URM1: variants seen among roughly 807,000 people sequenced by gnomAD.
URM1 encodes the protein ubiquitin related modifier 1.
In URM1, 11 loss-of-function variants were observed where a neutral mutation model predicts 17.7. The observed-to-expected ratio is 0.62, with a 90% CI of 0.39 to 1.03. The LOEUF is 1.03. Among genes scored for constraint, URM1 ranks in the 50% least tolerant of loss-of-function variants. The pLI is 0.00. For missense variants in URM1, 128 were observed against 129.2 expected, an observed-to-expected ratio of 0.99 and a Z score of 0.04; for synonymous variants, 48 against 50.6, an observed-to-expected ratio of 0.95 and a Z score of 0.22.
At chr9:128,385,503 G>A (rs538040858) in intron 2 of URM1, among the ~76,000 whole-genome samples, 2 of 152,224 alleles carry the variant, frequency 1.3e-5, no homozygotes, top group Non-Finnish European at 2.9e-5. Context: ...CCCCTAGTAG[G>A]AGAGGGAAGA....
At chr9:128,379,180 G>A (rs1435855545) in intron 2 of URM1, among the ~76,000 whole-genome samples, 3 of 151,886 alleles carry the variant, frequency 2.0e-5, no homozygotes, top group Admixed American at 6.6e-5. Flanking sequence ...GGAGGTGGGC[G>A]GTAGAAAATG....
chr9:128,378,196 C>A, intron 2 of URM1, 90 bp downstream of exon 2: 1 of 888,214 alleles, frequency 1.1e-6, no homozygotes, highest in Non-Finnish European at 1.8e-6. Context: ...GGCCTGTGTT[C>A]TGCATCCGTG....
Position 128,389,323 on chromosome 9 carries a change from G to A in URM1, c.237+14G>A, listed in dbSNP as rs747101830. 6.2e-7 allele frequency: 1 copy of A among 1,613,908 alleles called. No homozygotes were observed. Among genetic ancestry groups the A allele is most frequent in the South Asian group, 1.1e-5 (1 of 91,060 alleles). On this transcript the variant is annotated intron_variant, in intron 4 of 4. Coordinates refer to ENST00000372853, the MANE Select transcript of URM1 (RefSeq NM_030914.4). ...TGGGAGCTACTGGTCAGTACCTTGGGGGACATCCCTCCCCCAGCCCCTGCC... is the reference window on the plus strand; with the variant it reads ...TGGGAGCTACTGGTCAGTACCTTGGAGGACATCCCTCCCCCAGCCCCTGCC...
chr9:128,381,456 G>A (rs887136436), intron 2 of URM1, among the ~76,000 whole-genome samples: 2 of 152,156 alleles, frequency 1.3e-5, no homozygotes, highest in Non-Finnish European at 2.9e-5. Flanking sequence ...CAGCACTTTG[G>A]GAGGCCAAGG....
chr9:128,385,886 C>A (rs1737268155), intron 2 of URM1, among the ~76,000 whole-genome samples: 1 of 150,314 alleles, frequency 6.7e-6, no homozygotes, highest in Admixed American at 6.6e-5. Flanking sequence ...GGGGGGCGGG[C>A]AGAAGAGGGA....
intron 1 of URM1, among the ~76,000 whole-genome samples, chr9:128,375,176 G>C (rs1360038996): frequency 6.6e-6 from 1 of 152,212 alleles, no homozygotes; most frequent in African/African-American, 2.4e-5. Context: ...AGGATGAAAT[G>C]AGATGAGGAA....
At chr9:128,388,362 G>A (rs770842103) in intron 3 of URM1, 71 of 992,982 alleles carry the variant, frequency 7.2e-5, no homozygotes, top group Admixed American at 1.2e-4. Context: ...GACTCTGTGC[G>A]TGCACACACC....
intron 2 of URM1, among the ~76,000 whole-genome samples, chr9:128,378,981 G>C (rs1245678768): frequency 1.3e-5 from 2 of 150,068 alleles, no homozygotes. Flanking sequence ...TGAACTTGCA[G>C]ATCTTTGGCT....
chr9:128,377,995 G>C, intron 1 of URM1, 41 bp from the exon 2 acceptor site: 1 of 1,608,906 alleles, frequency 6.2e-7, no homozygotes. Flanking sequence ...CTATTTGCAG[G>C]AGCTCACCTG....
intron 1 of URM1, among the ~76,000 whole-genome samples, chr9:128,376,701 A>C (rs1833083060): frequency 6.6e-6 from 1 of 151,760 alleles, no homozygotes; most frequent in Admixed American, 6.6e-5. Flanking sequence ...AAATAATAAA[A>C]ATAGGCCAGG....
intron 4 of URM1, 138 bp from the exon 5 acceptor site, chr9:128,389,528 A>C (rs780198034): frequency 4.0e-5 from 62 of 1,546,352 alleles, no homozygotes; most frequent in Non-Finnish European, 5.1e-5. Flanking sequence ...TTGCAGGTTG[A>C]GGTATAGGAT....
chr9:128,381,589 G>T (rs1833160471), intron 2 of URM1, among the ~76,000 whole-genome samples: 1 of 152,242 alleles, frequency 6.6e-6, no homozygotes, highest in Non-Finnish European at 1.5e-5. Context: ...CCAGGTTGAG[G>T]CAGGAGAATC....
intron 2 of URM1, among the ~76,000 whole-genome samples, chr9:128,382,276 T>G (rs1366897129): frequency 4.6e-5 from 7 of 152,054 alleles, no homozygotes; most frequent in Admixed American, 4.6e-4. Context: ...GTGACCTAGG[T>G]CACCAACAGA....
intron 2 of URM1, among the ~76,000 whole-genome samples, chr9:128,380,577 A>G (rs1437757377): frequency 6.7e-6 from 1 of 148,240 alleles, no homozygotes; most frequent in Non-Finnish European, 1.5e-5. Context: ...ACAAGTTATT[A>G]TTTATTTCCT....
intron 3 of URM1, chr9:128,388,312 C>T (rs957038194): frequency 1.2e-5 from 13 of 1,053,662 alleles, no homozygotes. Flanking sequence ...AGTAGATTAC[C>T]ATACAGTGCA....
chr9:128,381,205 A>G (rs765134939), intron 2 of URM1, among the ~76,000 whole-genome samples: 9 of 152,198 alleles, frequency 5.9e-5, no homozygotes, highest in Non-Finnish European at 8.8e-5. Context: ...AAGTTACTGG[A>G]TATTCATTAG....
At chr9:128,377,533 G>C (rs907967212) in intron 1 of URM1, among the ~76,000 whole-genome samples, 9 of 152,160 alleles carry the variant, frequency 5.9e-5, no homozygotes, top group Non-Finnish European at 1.0e-4. Flanking sequence ...AGCCAGATGT[G>C]GTGGCTCATG....
intron 2 of URM1, among the ~76,000 whole-genome samples, chr9:128,381,972 G>C (rs140000588): frequency 9.2e-5 from 14 of 152,280 alleles, no homozygotes; most frequent in African/African-American, 2.9e-4. Flanking sequence ...ATGACCCCAA[G>C]AGATAAGAGA....
chr9:128,378,260 TGGGCCGG>T (rs1833104741), intron 2 of URM1, among the ~76,000 whole-genome samples, 154 bp downstream of exon 2: 1 of 151,978 alleles, frequency 6.6e-6, no homozygotes, highest in Non-Finnish European at 1.5e-5. Context: ...TCTACACGGC[TGGGCCGG>T]GTGGCTCATG....
Sources: allele counts gnomAD v4.1 joint callset (sites outside exome capture counted in the v4.1 genomes callset), GRCh38; gene constraint gnomAD v4.1.1; transcripts MANE v1.5; gene names NCBI Gene and HGNC (gene_info 2026-07-23, HGNC 2026-07-21).